The following SUGCT variants were observed in gnomAD, a reference collection of about 807,000 sequenced individuals.
SUGCT encodes the protein succinyl-CoA:glutarate CoA-transferase.
SUGCT carries 41 observed loss-of-function variants against 55.0 expected under a neutral mutation model. The ratio of observed to expected loss-of-function variants is 0.74; its 90% confidence interval spans 0.58 to 0.97. SUGCT has a LOEUF of 0.97. Ranked by LOEUF, SUGCT falls within the 50% of genes least tolerant of loss-of-function variation. SUGCT has a pLI of 0.00. For missense variants in SUGCT, 568 were observed against 547.8 expected, an observed-to-expected ratio of 1.04 and a Z score of -0.37; for synonymous variants, 187 against 200.4, an observed-to-expected ratio of 0.93 and a Z score of 0.56.
chr7:40,185,450 T>A (rs1785446694), intron 3 of SUGCT, among the ~76,000 whole-genome samples: 1 of 152,216 alleles, frequency 6.6e-6, no homozygotes, highest in Non-Finnish European at 1.5e-5. Context: ...CAACAGATCT[T>A]TCTTTGTCTA....
At chr7:40,672,515 T>G (rs577249004) in intron 12 of SUGCT, among the ~76,000 whole-genome samples, 2 of 152,068 alleles carry the variant, frequency 1.3e-5, no homozygotes, top group Non-Finnish European at 2.9e-5. Flanking sequence ...ATAACAAAAT[T>G]ATAGAAATGG....
intron 7 of SUGCT, among the ~76,000 whole-genome samples, chr7:40,251,317 G>C (rs974947691): frequency 3.3e-5 from 5 of 152,082 alleles, no homozygotes; most frequent in Admixed American, 6.6e-5. Context: ...CTTTTACTTA[G>C]TAAGTGCTGT....
chr7:40,801,743 T>C (rs1790825825), intron 13 of SUGCT, among the ~76,000 whole-genome samples: 1 of 152,174 alleles, frequency 6.6e-6, no homozygotes, highest in Non-Finnish European at 1.5e-5. Context: ...CTCATGTTTA[T>C]ATACCTTGGA....
rs114665268 is a variant in SUGCT, at chr7:40,854,783, T to A, written c.1154-5533T>A. On this transcript the variant is annotated intron_variant, in intron 13 of 13. Transcript: ENST00000335693. The stretch of plus-strand genomic sequence containing the variant: ...CAGTCCCCATCTCTAGATTTTTTTT[T>A]AAATTAGCCTGCTGTGGTGGTACAC... Among the ~76,000 whole-genome samples the A allele has an allele frequency of 3.1e-3, 468 of 151,880 alleles. 3 individuals carry two copies. Among genetic ancestry groups the A allele is most frequent in the African/African-American group, 0.011 (444 of 41,412 alleles).
At chr7:40,740,993 A>G (rs1366166593) in intron 12 of SUGCT, among the ~76,000 whole-genome samples, 1 of 152,166 alleles carries the variant, frequency 6.6e-6, no homozygotes, top group Non-Finnish European at 1.5e-5. Flanking sequence ...CTCATACATG[A>G]TAGCATCCTG....
the SUGCT span, among the ~76,000 whole-genome samples, chr7:40,922,792 A>T: frequency 6.6e-6 from 1 of 152,244 alleles, no homozygotes; most frequent in Non-Finnish European, 1.5e-5. Flanking sequence ...AATAAGTGCC[A>T]CACATAGCTG....
intron 13 of SUGCT, among the ~76,000 whole-genome samples, chr7:40,799,494 A>G (rs185938678): frequency 6.6e-6 from 1 of 152,288 alleles, no homozygotes; most frequent in East Asian, 1.9e-4. Flanking sequence ...AGGATAGACA[A>G]GGGTTGGTTG....
At chr7:40,786,656 T>G (rs944205351) in intron 13 of SUGCT, among the ~76,000 whole-genome samples, 1 of 152,126 alleles carries the variant, frequency 6.6e-6, no homozygotes, top group Non-Finnish European at 1.5e-5. Context: ...CTATAATAAA[T>G]GAAAAATAAG....
At chr7:40,612,186 T>C (rs1016401726) in intron 12 of SUGCT, among the ~76,000 whole-genome samples, 2 of 152,236 alleles carry the variant, frequency 1.3e-5, no homozygotes, top group Non-Finnish European at 2.9e-5. Flanking sequence ...TTAGTCCTAC[T>C]ATTATTTAGG....
chr7:40,322,659 T>C (rs1449894659), intron 9 of SUGCT, among the ~76,000 whole-genome samples: 1 of 152,116 alleles, frequency 6.6e-6, no homozygotes, highest in Middle Eastern at 3.2e-3. Flanking sequence ...CTGTAACCTT[T>C]CCTTAAAAAG....
intron 3 of SUGCT, among the ~76,000 whole-genome samples, chr7:40,184,619 A>G (rs902851982): frequency 2.0e-5 from 3 of 151,852 alleles, no homozygotes; most frequent in Non-Finnish European, 4.4e-5. Context: ...AGGTGTGGGT[A>G]AGCCACCACA....
At chr7:40,173,902 T>G (rs2150685937) in intron 1 of SUGCT, among the ~76,000 whole-genome samples, 1 of 143,336 alleles carries the variant, frequency 7.0e-6, no homozygotes, top group African/African-American at 2.6e-5. Flanking sequence ...TTTATTTATA[T>G]AATGTATATC....
intron 1 of SUGCT, among the ~76,000 whole-genome samples, chr7:40,177,707 GCTTTCACTTCACCCCTCTGCTTT>G (rs1784995465): frequency 6.6e-6 from 1 of 152,010 alleles, no homozygotes; most frequent in South Asian, 2.1e-4. Flanking sequence ...GTCATCCTGA[GCTTTCACTTCACCCCTCTGCTTT>G]GTTTTATTTT....
the SUGCT span, among the ~76,000 whole-genome samples, chr7:40,996,753 T>C: frequency 6.6e-6 from 1 of 152,222 alleles, no homozygotes; most frequent in Non-Finnish European, 1.5e-5. Context: ...CAGCTCCCAA[T>C]TTAAAGTGCA....
chr7:40,140,486 C>T (rs1016112387), intron 1 of SUGCT, among the ~76,000 whole-genome samples: 16 of 152,200 alleles, frequency 1.1e-4, no homozygotes, highest in African/African-American at 3.6e-4. Context: ...TTGCAACCTC[C>T]GCCCCCCGGG....
At chr7:40,666,371 G>GAAGGA (rs1378675256) in intron 12 of SUGCT, among the ~76,000 whole-genome samples, 1 of 141,840 alleles carries the variant, frequency 7.1e-6, no homozygotes, top group African/African-American at 2.6e-5. Flanking sequence ...AGGAAGGAAG[G>GAAGGA]AAGGAAGGAA....
At chr7:40,580,089 T>C (rs536552240) in intron 12 of SUGCT, among the ~76,000 whole-genome samples, 8 of 152,328 alleles carry the variant, frequency 5.3e-5, no homozygotes, top group Non-Finnish European at 1.0e-4. Flanking sequence ...ATTAAGTCAC[T>C]GGAAATGTTT....
Position 40,646,618 on chromosome 7 carries a change from C to T in SUGCT, c.1090-102816C>T, listed in dbSNP as rs11981582. 4.2e-3 allele frequency among the ~76,000 whole-genome samples: 646 copies of T among 152,212 alleles called. 6 individuals carry two copies. Among genetic ancestry groups the T allele is most frequent in the African/African-American group, 0.014 (567 of 41,544 alleles). On this transcript the variant is annotated intron_variant, in intron 12 of 13. Coordinates refer to ENST00000335693, the MANE Select transcript of SUGCT (RefSeq NM_001193313.2). Reference sequence around the variant, plus strand: ...ACGCAGCAGAATTTATTTCTTCTCCCGGGCCAGTCTTTCCCAGTCTTTGCA... The same window carrying T: ...ACGCAGCAGAATTTATTTCTTCTCCTGGGCCAGTCTTTCCCAGTCTTTGCA...
chr7:40,991,248 T>C, the SUGCT span, among the ~76,000 whole-genome samples: 1 of 152,052 alleles, frequency 6.6e-6, no homozygotes, highest in Non-Finnish European at 1.5e-5. Context: ...TGGAGAAAGA[T>C]GGAGAATGCT....
Sources: allele counts gnomAD v4.1 joint callset (sites outside exome capture counted in the v4.1 genomes callset), GRCh38; gene constraint gnomAD v4.1.1; transcripts MANE v1.5; gene names NCBI Gene and HGNC (gene_info 2026-07-23, HGNC 2026-07-21).